Variants in PLB1 observed in about 807,000 individuals in gnomAD.
PLB1 encodes the protein phospholipase B1, membrane-associated.
Under a neutral mutation model 227.4 loss-of-function variants are expected in PLB1, and 242 were observed. That is an observed-to-expected ratio of 1.06 (90% confidence interval 0.96 to 1.18). PLB1 has a LOEUF of 1.18. PLB1 is among the 50% of genes most tolerant of loss of function. The pLI, the probability that PLB1 is intolerant of heterozygous loss-of-function variation, is 0.00. For synonymous variants in PLB1, 757 were observed against 682.2 expected, an observed-to-expected ratio of 1.11 and a Z score of -1.71; for missense variants, 1,858 against 1,816.3, an observed-to-expected ratio of 1.02 and a Z score of -0.42.
intron 20 of PLB1, among the ~76,000 whole-genome samples, chr2:28,571,910 G>T (rs1371781058): frequency 1.3e-5 from 2 of 151,878 alleles, no homozygotes; most frequent in Non-Finnish European, 2.9e-5. Context: ...ACTAAGACAA[G>T]TGACAAAAGA....
Position 28,582,060 on chromosome 2 carries a change from T to G in PLB1, c.1567-8T>G. On this transcript the variant is annotated splice_polypyrimidine_tract_variant and splice_region_variant and intron_variant, in intron 23 of 57. Transcript: ENST00000327757. ...ATGGTGTTCAAGGGACACTTCCTCT[T>G]CCTGCAGGTCCACTATTCTCCCCAG... 6.2e-7 allele frequency: 1 copy of G among 1,611,670 alleles called. No homozygotes were observed. Among genetic ancestry groups the G allele is most frequent in the Non-Finnish European group, 8.5e-7 (1 of 1,177,910 alleles).
intron 29 of PLB1, among the ~76,000 whole-genome samples, chr2:28,590,910 G>A (rs1281200181): frequency 2.0e-5 from 3 of 152,268 alleles, no homozygotes; most frequent in Non-Finnish European, 2.9e-5. Context: ...GAAGACAGGC[G>A]CGTTCCCGTG....
At chr2:28,623,371 A>G (rs1687303723) in intron 49 of PLB1, among the ~76,000 whole-genome samples, 1 of 151,914 alleles carries the variant, frequency 6.6e-6, no homozygotes, top group African/African-American at 2.4e-5. Context: ...GGAAGAGGGG[A>G]AGAAGCGGCA....
At chr2:28,571,730 G>T (rs981063843) in intron 20 of PLB1, among the ~76,000 whole-genome samples, 2 of 152,048 alleles carry the variant, frequency 1.3e-5, no homozygotes, top group African/African-American at 4.8e-5. Context: ...GAGACAACTA[G>T]ATAGTTACAC....
chr2:28,528,076 G>A (rs1164224166), intron 6 of PLB1, among the ~76,000 whole-genome samples: 1 of 152,192 alleles, frequency 6.6e-6, no homozygotes, highest in Non-Finnish European at 1.5e-5. Flanking sequence ...TTGGGTTAAG[G>A]ATGGGGAAAA....
At chr2:28,559,109 T>G (rs1031181054) in intron 17 of PLB1, among the ~76,000 whole-genome samples, 1 of 152,246 alleles carries the variant, frequency 6.6e-6, no homozygotes. Flanking sequence ...CACTGCAGCC[T>G]CTGCCTCCTG....
intron 17 of PLB1, among the ~76,000 whole-genome samples, chr2:28,553,448 C>T (rs1194016055): frequency 6.6e-6 from 1 of 152,262 alleles, no homozygotes; most frequent in Non-Finnish European, 1.5e-5. Flanking sequence ...GCCATCTTCA[C>T]TGCCTCTCAG....
chr2:28,592,726 A>G lies in PLB1; in HGVS notation c.2247+7A>G, dbSNP rs1682180921. On this transcript the variant is annotated splice_region_variant and intron_variant, in intron 32 of 57. Coordinates refer to ENST00000327757, the MANE Select transcript of PLB1 (RefSeq NM_153021.5). ...TCTGGGGGATTCTCTGACCGTAAGG[A>G]CTCTTGGGCCCCAGGTGGTTTGGGG... The G allele has an allele frequency of 6.2e-7, 1 of 1,613,306 alleles. No individual in the cohort carries two copies. Among genetic ancestry groups the G allele is most frequent in the African/African-American group, 1.3e-5 (1 of 74,842 alleles).
intron 17 of PLB1, among the ~76,000 whole-genome samples, chr2:28,559,688 G>A (rs1286122922): frequency 2.1e-5 from 3 of 142,666 alleles, no homozygotes; most frequent in African/African-American, 7.7e-5. Context: ...GTTGTATATA[G>A]TCCAGCTGTG....
Position 28,593,666 on chromosome 2 carries a change from G to C in PLB1, c.2248-15G>C. 6.2e-7 allele frequency: 1 copy of C among 1,612,576 alleles called. No homozygotes were observed. Among genetic ancestry groups the C allele is most frequent in the Non-Finnish European group, 8.5e-7 (1 of 1,178,710 alleles). On this transcript the variant is annotated splice_polypyrimidine_tract_variant and intron_variant, in intron 32 of 57. Coordinates refer to ENST00000327757, the MANE Select transcript of PLB1 (RefSeq NM_153021.5). ...ACTTGCTAATTTTCCTATGGACTCT[G>C]GTATATTTTCAAAGGCTGGCAATGG...
intron 54 of PLB1, 56 bp downstream of exon 54, chr2:28,630,720 AGGACTGGGAAATC>A: frequency 7.0e-7 from 1 of 1,436,450 alleles, no homozygotes; most frequent in Non-Finnish European, 9.6e-7. Flanking sequence ...CTGTACTCCA[AGGACTGGGAAATC>A]GAATGCCCAG....
At chr2:28,612,769 A>ATTTTTTT (rs10557060) in intron 43 of PLB1, among the ~76,000 whole-genome samples, 32 of 124,914 alleles carry the variant, frequency 2.6e-4, no homozygotes, top group African/African-American at 8.9e-4. Flanking sequence ...CCACACCTGG[A>ATTTTTTT]TTTTTTTTTT....
chr2:28,632,176 G>A, intron 55 of PLB1, 36 bp downstream of exon 55: 1 of 1,514,226 alleles, frequency 6.6e-7, no homozygotes, highest in Non-Finnish European at 9.2e-7. Context: ...CTCACGTATG[G>A]GGGCCTTATC....
At chr2:28,598,470 G>A (rs1378221203) in intron 34 of PLB1, among the ~76,000 whole-genome samples, 182 bp from the exon 35 acceptor site, 1 of 152,140 alleles carries the variant, frequency 6.6e-6, no homozygotes, top group African/African-American at 2.4e-5. Context: ...TAGTCATCAG[G>A]TCATGTCAAC....
rs1348478798 is a variant in PLB1, at chr2:28,548,874, A to C, written c.951A>C (p.Gly317=). Residue 317 remains glycine, a synonymous_variant, in exon 15 of 58, where the codon GGA becomes GGC. Coordinates refer to ENST00000327757, the MANE Select transcript of PLB1 (RefSeq NM_153021.5). ...HLWNRMMEPA[G]EKDEPLSVKH... ...TTCCTTTCTAGATGGAGCCAGCAGG[A>C]GAGAAAGATGAGCCATTGAGTGTAA... 18 of 1,613,970 alleles carry C rather than the reference A, an allele frequency of 1.1e-5. No individual in the cohort carries two copies. Among genetic ancestry groups the C allele is most frequent in the Non-Finnish European group, 1.5e-5 (18 of 1,180,002 alleles).
intron 7 of PLB1, 32 bp from the exon 8 acceptor site, chr2:28,529,696 C>A (rs1670755617): frequency 2.5e-6 from 4 of 1,610,148 alleles, no homozygotes; most frequent in South Asian, 2.2e-5. Flanking sequence ...AATATTTAGC[C>A]AATTTTTCTC....
rs186325036 is a variant in PLB1 at position 28,536,020 on chromosome 2, C to T, written c.556-2299C>T. On this transcript the variant is annotated intron_variant, in intron 9 of 57. Transcript: ENST00000327757. ...TGAGAAGGTGGGCACCAGCTGCCAC[C>T]TGACTTTACAGAGCAGGTGTCAAGG... 1.7e-4 allele frequency among the ~76,000 whole-genome samples: 26 copies of T among 152,326 alleles called. No homozygotes were observed. The East Asian group carries it at 3.9e-3, about 23-fold the overall frequency.
intron 2 of PLB1, 85 bp downstream of exon 2, chr2:28,516,954 T>A: frequency 7.2e-7 from 1 of 1,391,082 alleles, no homozygotes; most frequent in Admixed American, 1.8e-5. Flanking sequence ...CAAGTTTTGG[T>A]GCAAGTTGAC....
chr2:28,578,604 G>A (rs948512191), intron 22 of PLB1, among the ~76,000 whole-genome samples: 2 of 152,092 alleles, frequency 1.3e-5, no homozygotes, highest in Non-Finnish European at 2.9e-5. Flanking sequence ...GAGAGCCCTG[G>A]TCTGCAAGGA....
Sources: allele counts gnomAD v4.1 joint callset (sites outside exome capture counted in the v4.1 genomes callset), GRCh38; gene constraint gnomAD v4.1.1; transcripts MANE v1.5; gene names NCBI Gene and HGNC (gene_info 2026-07-23, HGNC 2026-07-21).